Variants in PTPRT observed in about 807,000 individuals in gnomAD.
PTPRT encodes receptor-type tyrosine-protein phosphatase T.
Under a neutral mutation model 176.8 loss-of-function variants are expected in PTPRT, and 56 were observed. That is an observed-to-expected ratio of 0.32 (90% CI 0.26 to 0.40). PTPRT has a LOEUF of 0.40. Among genes scored for constraint, PTPRT ranks in the 10% least tolerant of loss-of-function variants. The pLI, the probability that PTPRT is intolerant of heterozygous loss-of-function variation, is 1.00. For synonymous variants in PTPRT, 783 were observed against 739.0 expected (o/e 1.06, Z -0.96); for missense variants, 1,540 against 1,908.2 (o/e 0.81, Z 3.60).
At chr20:42,859,413 C>T (rs1240920739) in intron 2 of PTPRT, among the ~76,000 whole-genome samples, 1 of 152,040 alleles carries the variant, frequency 6.6e-6, no homozygotes, top group East Asian at 1.9e-4. Flanking sequence ...TGTACTTATA[C>T]CAACAGTGTA....
At chr20:43,134,733 T>C (rs2013767863) in intron 1 of PTPRT, among the ~76,000 whole-genome samples, 1 of 152,236 alleles carries the variant, frequency 6.6e-6, no homozygotes. Flanking sequence ...ACTAGCTACC[T>C]ATTTTCTAAT....
At chr20:42,859,763 TG>T (rs1004066837) in intron 2 of PTPRT, among the ~76,000 whole-genome samples, 2 of 151,216 alleles carry the variant, frequency 1.3e-5, no homozygotes, top group African/African-American at 2.4e-5. Context: ...TTTTTTTTTT[TG>T]TATTTTTTTA....
intron 1 of PTPRT, among the ~76,000 whole-genome samples, chr20:42,902,145 T>C (rs536830423): frequency 1.3e-5 from 2 of 152,194 alleles, no homozygotes; most frequent in Admixed American, 6.5e-5. Flanking sequence ...TTGCTACCAC[T>C]ACAGGAACAT....
chr20:42,814,543 A>G (rs1304412055), intron 2 of PTPRT, among the ~76,000 whole-genome samples: 1 of 152,238 alleles, frequency 6.6e-6, no homozygotes, highest in East Asian at 1.9e-4. Context: ...GCAGTAATGA[A>G]CTTAGTTATC....
intron 7 of PTPRT, 38 bp downstream of exon 7, chr20:42,677,828 C>A (rs374813661): frequency 6.3e-6 from 10 of 1,576,368 alleles, no homozygotes; most frequent in Non-Finnish European, 8.6e-6. Flanking sequence ...AATAGCACAG[C>A]CTCTCATAAT....
chr20:42,651,907 G>A (rs570653364), intron 7 of PTPRT, among the ~76,000 whole-genome samples: 82 of 152,144 alleles, frequency 5.4e-4, no homozygotes, highest in African/African-American at 1.9e-3. Context: ...AATTAGCTGG[G>A]CTTGGTGGTG....
chr20:43,075,817 C>T (rs997018040), intron 1 of PTPRT, among the ~76,000 whole-genome samples: 1 of 152,174 alleles, frequency 6.6e-6, no homozygotes, highest in Non-Finnish European at 1.5e-5. Flanking sequence ...GCTAACAGAA[C>T]AGGTGTGCAC....
chr20:42,296,146 G>A (rs1408512283), intron 12 of PTPRT, among the ~76,000 whole-genome samples: 1 of 152,162 alleles, frequency 6.6e-6, no homozygotes, highest in Non-Finnish European at 1.5e-5. Flanking sequence ...AAGAAAAGAT[G>A]GGATTAAGAG....
intron 2 of PTPRT, among the ~76,000 whole-genome samples, chr20:42,797,125 C>A (rs2077465391): frequency 6.6e-6 from 1 of 152,136 alleles, no homozygotes; most frequent in Non-Finnish European, 1.5e-5. Flanking sequence ...AGTAAGAAAT[C>A]CACTGAGAGG....
chr20:42,080,947 G>A lies in PTPRT; in HGVS notation c.4273-15C>T, dbSNP rs1458741023. 6.3e-7 allele frequency: 1 copy of A among 1,576,590 alleles called. No homozygotes were observed. Among genetic ancestry groups the A allele is most frequent in the African/African-American group, 1.4e-5 (1 of 74,046 alleles). On this transcript the variant is annotated splice_polypyrimidine_tract_variant and intron_variant, in intron 30 of 30. Coordinates refer to ENST00000373187, the MANE Select transcript of PTPRT (RefSeq NM_007050.6). ...TTATACTGTTCCTGAGAGGCGGAGA[G>A]GAGCAGAGGCAGAGAGGGAGAAGAG...
chr20:42,621,642 C>T (rs1322013631), intron 7 of PTPRT, among the ~76,000 whole-genome samples: 3 of 152,196 alleles, frequency 2.0e-5, no homozygotes, highest in Non-Finnish European at 4.4e-5. Context: ...ATTTGCTGTG[C>T]TGGCCACTCC....
Position 42,898,149 on chromosome 20 carries a change from T to C in PTPRT, c.89-12217A>G, listed in dbSNP as rs1030496603. Reference sequence around the variant, plus strand: ...GACTTTGAATAAGTCATGTAGACTCTAGGGCCAGCATTTCTCCATGTGTGA... The same window carrying C: ...GACTTTGAATAAGTCATGTAGACTCCAGGGCCAGCATTTCTCCATGTGTGA... On this transcript the variant is annotated intron_variant, in intron 1 of 30. Transcript: ENST00000373187. Among the ~76,000 whole-genome samples, 3 of 152,172 alleles carry C rather than the reference T, an allele frequency of 2.0e-5. No individual in the cohort carries two copies. The East Asian group carries it at 5.8e-4, about 29-fold the overall frequency.
intron 13 of PTPRT, among the ~76,000 whole-genome samples, chr20:42,265,968 G>T (rs2056832543): frequency 6.6e-6 from 1 of 152,182 alleles, no homozygotes. Flanking sequence ...GTGATTTAAA[G>T]AATTTCCAGC....
At chr20:43,070,723 G>C (rs2011168526) in intron 1 of PTPRT, among the ~76,000 whole-genome samples, 1 of 151,856 alleles carries the variant, frequency 6.6e-6, no homozygotes, top group African/African-American at 2.4e-5. Flanking sequence ...ACTCTCGCAA[G>C]GATAAAAAAC....
chr20:43,015,645 G>A (rs1034022695), intron 1 of PTPRT, among the ~76,000 whole-genome samples: 10 of 152,068 alleles, frequency 6.6e-5, no homozygotes, highest in East Asian at 1.9e-4. Flanking sequence ...CAGGCCTCCC[G>A]CACTAAATAA....
At chr20:42,320,417 GAA>G (rs1196040632) in intron 11 of PTPRT, among the ~76,000 whole-genome samples, 1 of 152,126 alleles carries the variant, frequency 6.6e-6, no homozygotes, top group Non-Finnish European at 1.5e-5. Flanking sequence ...TCTATATCTA[GAA>G]AAGTTTCTAG....
At chr20:42,165,514 T>C (rs1989787836) in intron 16 of PTPRT, among the ~76,000 whole-genome samples, 1 of 152,192 alleles carries the variant, frequency 6.6e-6, no homozygotes, top group African/African-American at 2.4e-5. Context: ...TAGGCATTCA[T>C]GATCCACCTC....
intron 1 of PTPRT, among the ~76,000 whole-genome samples, chr20:42,990,249 G>GA (rs1037811009): frequency 1.4e-4 from 22 of 152,268 alleles, no homozygotes; most frequent in African/African-American, 4.1e-4. Flanking sequence ...GTTTTATTGG[G>GA]AAAAAATCTA....
At chr20:42,731,053 C>G (rs1210353935) in intron 6 of PTPRT, among the ~76,000 whole-genome samples, 1 of 152,160 alleles carries the variant, frequency 6.6e-6, no homozygotes, top group Non-Finnish European at 1.5e-5. Context: ...CTGTGCCCCC[C>G]ACCACCCTTC....
Sources: gnomAD v4.1 joint callset for allele counts (sites outside exome capture counted in the v4.1 genomes callset) on GRCh38, gnomAD v4.1.1 for gene constraint, MANE v1.5 for transcripts, NCBI Gene and HGNC (gene_info 2026-07-23, HGNC 2026-07-21) for gene names.